Variants in CFAP20DC observed in about 807,000 individuals in gnomAD.
CFAP20DC encodes the protein protein CFAP20DC.
A neutral mutation model predicts 101.7 loss-of-function variants in CFAP20DC; 84 were observed. The observed-to-expected ratio is 0.83, with a 90% CI of 0.69 to 0.99. The LOEUF (loss-of-function observed/expected upper bound fraction) is 0.99, where lower values mean the gene tolerates loss of function less well. CFAP20DC is among the 50% of genes least tolerant of loss of function. The probability of loss-of-function intolerance (pLI) is 0.00; values close to 1 mark genes in which losing one functional copy is unlikely to be tolerated. For synonymous variants in CFAP20DC, 359 were observed against 351.2 expected, an observed-to-expected ratio of 1.02 and a Z score of -0.25; for missense variants, 1,007 against 970.3, an observed-to-expected ratio of 1.04 and a Z score of -0.50.
In CFAP20DC at chr3:59,014,529, T is replaced by G. The variant is rs1018400119; in HGVS notation, c.278+25028A>C. On this transcript the variant is annotated intron_variant, in intron 4 of 16. Transcript: ENST00000482387. This position sits in a 1 kb window ranked among gnomAD's most constrained non-coding sequence, Gnocchi z 4.9. Reference sequence around the variant, plus strand: ...AGGGTAACAGTTGAAAAGCCTGAATTTTTCTGACAGTACTTGCAGTTAAAT... The same window carrying G: ...AGGGTAACAGTTGAAAAGCCTGAATGTTTCTGACAGTACTTGCAGTTAAAT... Among the ~76,000 whole-genome samples the G allele has an allele frequency of 6.6e-6, 1 of 152,156 alleles. No homozygotes were observed.
chr3:58,762,668 G>A (rs961113169), intron 15 of CFAP20DC, among the ~76,000 whole-genome samples: 18 of 152,184 alleles, frequency 1.2e-4, no homozygotes, highest in African/African-American at 4.3e-4. Flanking sequence ...TTTTGCCGTG[G>A]CTGGTACTGG....
chr3:58,909,451 C>A (rs1322593532), intron 6 of CFAP20DC, among the ~76,000 whole-genome samples: 1 of 152,086 alleles, frequency 6.6e-6, no homozygotes, highest in Non-Finnish European at 1.5e-5. Flanking sequence ...GTTTTCTACA[C>A]TTCTAACATT....
At chr3:58,782,087 C>A (rs1363928220) in intron 15 of CFAP20DC, among the ~76,000 whole-genome samples, 1 of 151,806 alleles carries the variant, frequency 6.6e-6, no homozygotes, top group African/African-American at 2.4e-5. Flanking sequence ...AAAGATCAAG[C>A]GGGATTTATC....
chr3:58,949,625 G>C (rs2089834723), intron 4 of CFAP20DC, among the ~76,000 whole-genome samples: 2 of 152,018 alleles, frequency 1.3e-5, no homozygotes, highest in Non-Finnish European at 2.9e-5. Flanking sequence ...GTTATAGTTT[G>C]ATTGCACAAT....
intron 4 of CFAP20DC, among the ~76,000 whole-genome samples, chr3:58,982,287 T>C (rs922634110): frequency 6.6e-6 from 1 of 152,032 alleles, no homozygotes; most frequent in Non-Finnish European, 1.5e-5. Flanking sequence ...GTAAACCATT[T>C]TGGAAGTCAG....
rs145291014 is a variant in CFAP20DC, at chr3:58,822,312, AAAAC to A, written c.2175+9370_2175+9373del. Among the ~76,000 whole-genome samples the A allele has an allele frequency of 9.3e-4, 129 of 138,500 alleles. No homozygotes were observed. In the South Asian group the frequency reaches 0.022, roughly 23 times the overall value. The allele number at this position is 138,500 out of a possible 152,430, so 90.9% of individuals were successfully genotyped here. A position where few individuals can be genotyped will look rare whatever the true frequency, so the allele number is the denominator to read the frequency against. On this transcript the variant is annotated intron_variant, in intron 14 of 16. Transcript: ENST00000482387. The stretch of plus-strand genomic sequence containing the variant: ...AAGTATAATAAAAAAAAATCATGAA[AAAAC>A]AAACAAACAAACAAACAAACAAAAA...
At chr3:59,026,059 AAT>A in intron 4 of CFAP20DC, among the ~76,000 whole-genome samples, 1 of 152,288 alleles carries the variant, frequency 6.6e-6, no homozygotes, top group Non-Finnish European at 1.5e-5. Context: ...ATGCAAATTT[AAT>A]ATATTAAGAA....
At chr3:59,026,842 T>A (rs1353446073) in intron 4 of CFAP20DC, among the ~76,000 whole-genome samples, 1 of 152,154 alleles carries the variant, frequency 6.6e-6, no homozygotes, top group African/African-American at 2.4e-5. Flanking sequence ...AAAAATAACA[T>A]AAGAGTAACT....
rs1000139622 is a variant in CFAP20DC at position 58,727,106 on chromosome 3, C to T, written c.198-9478G>A. The T allele has an allele frequency of 2.0e-5, 4 of 200,164 alleles. No individual in the cohort carries two copies. The Admixed American group carries it at 2.4e-4, about 12-fold the overall frequency. The allele number at this position is 200,164 out of a possible 1,614,324, so 12.4% of individuals were successfully genotyped here. A position where few individuals can be genotyped will look rare whatever the true frequency, so the allele number is the denominator to read the frequency against. ...ACTTGGCTCCACCTCCCATAGGGGG[C>T]CAGGAAGTGCTATCCTACAGTGTTC... On this transcript the variant is annotated intron_variant, in intron 3 of 3. Coordinates refer to the CFAP20DC transcript ENST00000486145.
rs561696579 is a variant in CFAP20DC at position 58,931,905 on chromosome 3, C to A, written c.393+5743G>T. On this transcript the variant is annotated intron_variant, in intron 5 of 16. Transcript: ENST00000482387. ...AAGGAACGCAGTTCCTCTCCAGCAA[C>A]GGAACAAAGCTGGACGGAGAATGAC... Among the ~76,000 whole-genome samples the A allele has an allele frequency of 6.6e-5, 10 of 152,286 alleles. No individual in the cohort carries two copies. In the East Asian group the frequency reaches 1.9e-3, roughly 29 times the overall value.
chr3:58,819,705 C>T (rs1396913499), intron 14 of CFAP20DC, among the ~76,000 whole-genome samples: 3 of 143,512 alleles, frequency 2.1e-5, no homozygotes, highest in Non-Finnish European at 4.5e-5. Flanking sequence ...CCGAATTCTA[C>T]CAGAGGTACA....
chr3:58,802,232 C>T (rs2073761862), intron 15 of CFAP20DC, among the ~76,000 whole-genome samples: 1 of 152,310 alleles, frequency 6.6e-6, no homozygotes, highest in Non-Finnish European at 1.5e-5. Context: ...CAGCTCTAAA[C>T]CCCACAAACC....
intron 6 of CFAP20DC, among the ~76,000 whole-genome samples, chr3:58,906,661 G>C (rs983316705): frequency 6.6e-6 from 1 of 152,120 alleles, no homozygotes; most frequent in African/African-American, 2.4e-5. Context: ...TAGGTGCAGT[G>C]GCTCACAACT....
chr3:58,878,351 T>C (rs927109191), intron 7 of CFAP20DC, among the ~76,000 whole-genome samples: 2 of 152,220 alleles, frequency 1.3e-5, no homozygotes, highest in African/African-American at 2.4e-5. Flanking sequence ...AGTAGGACCT[T>C]AGACAATGTA....
Position 58,795,913 on chromosome 3 carries a change from C to A in CFAP20DC, c.2237+10482G>T, listed in dbSNP as rs974951020. Among the ~76,000 whole-genome samples, 4 of 152,098 alleles carry A rather than the reference C, an allele frequency of 2.6e-5. No homozygotes were observed. The highest frequency in any genetic ancestry group is 5.9e-5 in the Non-Finnish European group (4 of 68,022). ...CCCAGTGGCCCAAAAGAGACCTGGTCAGAGAGGAGGCAGGTGTCTCAACTA... is the reference window on the plus strand; with the variant it reads ...CCCAGTGGCCCAAAAGAGACCTGGTAAGAGAGGAGGCAGGTGTCTCAACTA... On this transcript the variant is annotated intron_variant, in intron 15 of 16. Coordinates refer to ENST00000482387, the MANE Select transcript of CFAP20DC (RefSeq NM_001394063.1). The surrounding 1 kb of genome is among the most constrained non-coding windows in gnomAD (Gnocchi z 4.2).
At chr3:58,810,300 C>T (rs1179349774) in intron 14 of CFAP20DC, among the ~76,000 whole-genome samples, 1 of 151,996 alleles carries the variant, frequency 6.6e-6, no homozygotes, top group Admixed American at 6.6e-5. Flanking sequence ...TGCAAAAATC[C>T]TCAATAAAAT....
chr3:59,000,888 C>A (rs1386804333), intron 4 of CFAP20DC, among the ~76,000 whole-genome samples: 1 of 151,966 alleles, frequency 6.6e-6, no homozygotes, highest in Non-Finnish European at 1.5e-5. Context: ...CAGTTTGGAA[C>A]TCAAATTAAG....
At chr3:58,935,237 A>G (rs1212763937) in intron 5 of CFAP20DC, among the ~76,000 whole-genome samples, 7 of 149,042 alleles carry the variant, frequency 4.7e-5, no homozygotes, top group Admixed American at 2.6e-4. Context: ...GACCTCTTCA[A>G]GGAGAACTAC....
At chr3:58,985,660 T>A (rs968294182) in intron 4 of CFAP20DC, among the ~76,000 whole-genome samples, 4 of 152,322 alleles carry the variant, frequency 2.6e-5, no homozygotes, top group African/African-American at 9.6e-5. Flanking sequence ...TTACCATTTG[T>A]GATTTTTTAC....
Sources: allele counts gnomAD v4.1 joint callset (sites outside exome capture counted in the v4.1 genomes callset), GRCh38; gene constraint gnomAD v4.1.1; non-coding constraint Gnocchi (gnomAD v3.1); transcripts MANE v1.5; gene names NCBI Gene and HGNC (gene_info 2026-07-23, HGNC 2026-07-21).